Variants in EML6 observed in about 807,000 individuals in gnomAD.
EML6 encodes echinoderm microtubule-associated protein-like 6.
In EML6, 154 loss-of-function variants were observed where a neutral mutation model predicts 240.1. That is an observed-to-expected ratio of 0.64 (90% CI 0.56 to 0.73). EML6 has a LOEUF of 0.73. EML6 is among the 30% of genes least tolerant of loss of function. The probability of loss-of-function intolerance (pLI) is 0.00; values close to 1 mark genes in which losing one functional copy is unlikely to be tolerated. For synonymous variants in EML6, 1,148 were observed against 899.0 expected (o/e 1.28, Z -4.95); for missense variants, 2,964 against 2,474.6 (o/e 1.20, Z -4.20).
chr2:54,887,176 G>A (rs552797814), intron 17 of EML6, among the ~76,000 whole-genome samples: 1 of 152,286 alleles, frequency 6.6e-6, no homozygotes, highest in Admixed American at 6.5e-5. Flanking sequence ...GGTTCTGGGA[G>A]CATTGACCTG....
rs555795211 is a variant in EML6 at position 54,794,029 on chromosome 2, T to C, written c.198-19203T>C. ...CACCTCATCTAATAAACATGAAAAC[T>C]GACCCTTAATAAGCATTTTCCACTT... On this transcript the variant is annotated intron_variant, in intron 2 of 41. Transcript: ENST00000356458. 4.6e-5 allele frequency among the ~76,000 whole-genome samples: 7 copies of C among 152,350 alleles called. No homozygotes were observed. The East Asian group carries it at 1.3e-3, about 29-fold the overall frequency.
chr2:54,847,881 A>G (rs1669856453), intron 9 of EML6, among the ~76,000 whole-genome samples: 1 of 152,238 alleles, frequency 6.6e-6, no homozygotes, highest in Non-Finnish European at 1.5e-5. Context: ...ATCTCTTAGT[A>G]GAAATAATCA....
Position 54,811,795 on chromosome 2 carries a change from A to C in EML6, c.198-1437A>C, listed in dbSNP as rs576104987. Among the ~76,000 whole-genome samples, 20 of 152,338 alleles carry C rather than the reference A, an allele frequency of 1.3e-4. No homozygotes were observed. In the South Asian group the frequency reaches 3.9e-3, roughly 30 times the overall value. On this transcript the variant is annotated intron_variant, in intron 2 of 41. Coordinates refer to ENST00000356458, the MANE Select transcript of EML6 (RefSeq NM_001039753.4). Reference sequence around the variant, plus strand: ...TTTGAAATACCAGGTGTGTCTCAACAAAATTGAGATTGGGAGGGTCCTTTC... The same window carrying C: ...TTTGAAATACCAGGTGTGTCTCAACCAAATTGAGATTGGGAGGGTCCTTTC...
At chr2:54,902,738 C>CA (rs780961117) in intron 22 of EML6, among the ~76,000 whole-genome samples, 4 of 152,086 alleles carry the variant, frequency 2.6e-5, no homozygotes, top group Non-Finnish European at 4.4e-5. Flanking sequence ...TTCGCCTCTA[C>CA]AAAAAATAAC....
intron 28 of EML6, among the ~76,000 whole-genome samples, chr2:54,937,483 G>A (rs1354419795): frequency 2.1e-5 from 3 of 145,538 alleles, no homozygotes; most frequent in African/African-American, 7.7e-5. Context: ...AGCCTGGGAG[G>A]TCAAGGCTGC....
At chr2:54,952,793 C>G (rs1676048072) in intron 31 of EML6, 101 bp downstream of exon 31, 1 of 743,340 alleles carries the variant, frequency 1.3e-6, no homozygotes, top group African/African-American at 1.7e-5. Context: ...TACATCCATC[C>G]CTTCTTGTTG....
intron 36 of EML6, among the ~76,000 whole-genome samples, chr2:54,963,320 T>C (rs986272662): frequency 3.9e-5 from 6 of 152,262 alleles, no homozygotes; most frequent in African/African-American, 1.4e-4. Context: ...GCTAGACTTT[T>C]AAGTTAGTTT....
chr2:54,943,144 C>T (rs1000740368), intron 28 of EML6, among the ~76,000 whole-genome samples: 1 of 152,218 alleles, frequency 6.6e-6, no homozygotes, highest in Non-Finnish European at 1.5e-5. Context: ...GCCCCTCCTT[C>T]ACTGAGAAAA....
At chr2:54,773,654 G>A (rs1390183814) in intron 2 of EML6, among the ~76,000 whole-genome samples, 2 of 152,252 alleles carry the variant, frequency 1.3e-5, no homozygotes, top group African/African-American at 4.8e-5. Context: ...GCTCTCAGAT[G>A]TCCATGGAAG....
At position 54,904,318 on chromosome 2, in the gene EML6, A is replaced by G. The variant is rs368704264; in HGVS notation, c.3409+816A>G. On this transcript the variant is annotated intron_variant, in intron 24 of 41. Transcript: ENST00000356458. The stretch of plus-strand genomic sequence containing the variant: ...ATAGGGTGAGTCACTCGTAAATCCT[A>G]TCCTCAAGACTCGGCTGATGTTGAG... Among the ~76,000 whole-genome samples, 11 of 152,232 alleles carry G rather than the reference A, an allele frequency of 7.2e-5. No homozygotes were observed. The East Asian group carries it at 1.9e-3, about 27-fold the overall frequency.
intron 2 of EML6, among the ~76,000 whole-genome samples, chr2:54,797,510 A>G (rs1011669786): frequency 2.0e-5 from 3 of 152,196 alleles, no homozygotes; most frequent in South Asian, 4.1e-4. Flanking sequence ...ACTGCAATAA[A>G]GCGAGTCACA....
rs1464568101 is a variant in EML6 at position 54,848,295 on chromosome 2, AAAT to A, written c.1187+675_1187+677del. Among the ~76,000 whole-genome samples, 4 of 152,228 alleles carry A rather than the reference AAAT, an allele frequency of 2.6e-5. No individual in the cohort carries two copies. In the East Asian group the frequency reaches 7.7e-4, roughly 29 times the overall value. ...GACTCACATGTTTTGTAATTATAGAAAATAAATGCAGCTATAAAGTAAATATTT... is the reference window on the plus strand; with the variant it reads ...GACTCACATGTTTTGTAATTATAGAAAAATGCAGCTATAAAGTAAATATTT... On this transcript the variant is annotated intron_variant, in intron 9 of 41. Coordinates refer to ENST00000356458, the MANE Select transcript of EML6 (RefSeq NM_001039753.4).
At chr2:54,750,407 C>A (rs1324760217) in intron 2 of EML6, among the ~76,000 whole-genome samples, 1 of 152,146 alleles carries the variant, frequency 6.6e-6, no homozygotes, top group Non-Finnish European at 1.5e-5. Flanking sequence ...ATTGGCATCA[C>A]CACCACAGTT....
intron 9 of EML6, among the ~76,000 whole-genome samples, chr2:54,848,186 A>G (rs1669871929): frequency 6.6e-6 from 1 of 152,168 alleles, no homozygotes; most frequent in Admixed American, 6.5e-5. Context: ...AATATTTCCT[A>G]TTTACTGACA....
intron 28 of EML6, among the ~76,000 whole-genome samples, chr2:54,930,091 A>G (rs1674773688): frequency 6.6e-6 from 1 of 152,230 alleles, no homozygotes; most frequent in Non-Finnish European, 1.5e-5. Flanking sequence ...TCCTTTGGAA[A>G]AAAAAAAATT....
chr2:54,845,861 C>T (rs1038018550), intron 8 of EML6, among the ~76,000 whole-genome samples: 2 of 152,164 alleles, frequency 1.3e-5, no homozygotes, highest in Non-Finnish European at 2.9e-5. Flanking sequence ...TTATTCTTGT[C>T]TGTCTGTTGC....
At chr2:54,836,898 C>T (rs1430682779) in intron 7 of EML6, among the ~76,000 whole-genome samples, 1 of 152,164 alleles carries the variant, frequency 6.6e-6, no homozygotes, top group Non-Finnish European at 1.5e-5. Context: ...CTGTCTTCAG[C>T]ATTACCCTTA....
At chr2:54,771,794 C>A (rs886553978) in intron 2 of EML6, among the ~76,000 whole-genome samples, 34 of 152,224 alleles carry the variant, frequency 2.2e-4, no homozygotes, top group Non-Finnish European at 1.3e-4. Flanking sequence ...AGCAAAACTG[C>A]AGCCTATTTT....
intron 7 of EML6, among the ~76,000 whole-genome samples, chr2:54,835,999 C>T (rs1453611080): frequency 6.6e-6 from 1 of 152,220 alleles, no homozygotes; most frequent in Non-Finnish European, 1.5e-5. Context: ...GGCTCCATTA[C>T]TTACCTCTTG....
Sources: gnomAD v4.1 joint callset for allele counts (sites outside exome capture counted in the v4.1 genomes callset) on GRCh38, gnomAD v4.1.1 for gene constraint, MANE v1.5 for transcripts, NCBI Gene and HGNC (gene_info 2026-07-23, HGNC 2026-07-21) for gene names.